Variants in SPTBN1 observed in about 807,000 individuals in gnomAD.
SPTBN1 encodes the protein spectrin beta, non-erythrocytic 1.
A neutral mutation model predicts 266.4 loss-of-function variants in SPTBN1; 32 were observed. The ratio of observed to expected loss-of-function variants is 0.12; its 90% CI spans 0.09 to 0.16. The LOEUF is 0.16. Ranked by LOEUF, SPTBN1 falls within the 10% of genes least tolerant of loss-of-function variation. The pLI, the probability that SPTBN1 is intolerant of heterozygous loss-of-function variation, is 1.00. For synonymous variants in SPTBN1, 1,336 were observed against 1,162.2 expected, an observed-to-expected ratio of 1.15 and a Z score of -3.04; for missense variants, 2,296 against 3,067.1, an observed-to-expected ratio of 0.75 and a Z score of 5.94.
intron 11 of SPTBN1, 121 bp from the exon 12 acceptor site, chr2:54,625,811 G>C: frequency 9.1e-7 from 1 of 1,099,184 alleles, no homozygotes; most frequent in Non-Finnish European, 1.3e-6. Flanking sequence ...GGCTAGTCTC[G>C]AACTCCTGAC....
At chr2:54,612,374 A>G in intron 4 of SPTBN1, 40 bp downstream of exon 4, 1 of 1,572,486 alleles carries the variant, frequency 6.4e-7, no homozygotes, top group Non-Finnish European at 8.6e-7. Context: ...ACTTAGGCCG[A>G]CCTCTCAGGT....
chr2:54,592,633 C>G (rs965006030), intron 2 of SPTBN1, among the ~76,000 whole-genome samples: 1 of 152,236 alleles, frequency 6.6e-6, no homozygotes, highest in Non-Finnish European at 1.5e-5. Flanking sequence ...GGTATTCCAC[C>G]TGCCTTGGCC....
intron 2 of SPTBN1, among the ~76,000 whole-genome samples, chr2:54,596,540 TG>T (rs1676105623): frequency 6.6e-6 from 1 of 152,116 alleles, no homozygotes; most frequent in African/African-American, 2.4e-5. Context: ...TTTTCCAACG[TG>T]GGGGTGTGAA....
rs1247888043 is a variant in SPTBN1 at position 54,646,410 on chromosome 2, G to A, written c.4801G>A (p.Ala1601Thr). The A allele has an allele frequency of 1.9e-6, 3 of 1,600,382 alleles. No individual in the cohort carries two copies. Among genetic ancestry groups the A allele is most frequent in the South Asian group, 2.2e-5 (2 of 89,590 alleles). The change falls in exon 23 of 36, where the codon GCT (alanine) becomes ACT (threonine). Residue 1601 changes from alanine (A) to threonine (T), a missense_variant. Physicochemically the swap from Ala to Thr is moderately conservative, Grantham distance 58. This residue lies in a region of SPTBN1 where 644 missense variants were observed against 745.3 expected (regional missense o/e 0.86). Transcript: ENST00000356805. The surrounding 1 kb of genome is among the most constrained non-coding windows in gnomAD (Gnocchi z 4.4). The part of the protein sequence containing the change: ...AHRAQQYYFD[A>T]AEAEAWMSEQ... ...CAGGGCCCAGCAGTACTACTTTGAC[G>A]CTGCTGAGGCCGAAGCCTGGATGAG...
intron 2 of SPTBN1, among the ~76,000 whole-genome samples, chr2:54,537,354 T>C (rs905054391): frequency 3.9e-5 from 6 of 152,198 alleles, no homozygotes; most frequent in African/African-American, 1.4e-4. Flanking sequence ...GGGTTTTGAT[T>C]GACCCGGAAG....
rs932982013 is a variant in SPTBN1, at chr2:54,661,867, T to C, written c.6420+1868T>C. ...CAAGAAAAGAGTGCTATGATGTTCTTAGCATTTGCTATCATGCCTATTTTT... is the reference window on the plus strand; with the variant it reads ...CAAGAAAAGAGTGCTATGATGTTCTCAGCATTTGCTATCATGCCTATTTTT... On this transcript the variant is annotated intron_variant, in intron 32 of 35. Transcript: ENST00000356805. 7 of 985,448 alleles carry C rather than the reference T, an allele frequency of 7.1e-6. No individual in the cohort carries two copies. In the Admixed American group the frequency reaches 3.7e-4, roughly 52 times the overall value. The allele number at this position is 985,448 out of a possible 1,614,324, so 61.0% of individuals were successfully genotyped here.
rs530405465 is a variant in SPTBN1, at chr2:54,632,676, C to T, written c.3675C>T (p.Ile1225=). ...MTTMDANEEK[I]NAVVETGRRL... ...CCATGGACGCCAATGAGGAGAAGATCAATGCTGTGGTGGAGACTGGCCGGA... is the reference window on the plus strand; with the variant it reads ...CCATGGACGCCAATGAGGAGAAGATTAATGCTGTGGTGGAGACTGGCCGGA... The change falls in exon 17 of 36, where the codon ATC becomes ATT. Residue 1225 remains isoleucine, a synonymous_variant. Transcript: ENST00000356805. The T allele has an allele frequency of 6.2e-7, 1 of 1,614,188 alleles. No individual in the cohort carries two copies. The highest frequency in any genetic ancestry group is 1.3e-5 in the African/African-American group (1 of 75,038).
chr2:54,659,970 G>A lies in SPTBN1; in HGVS notation c.6391G>A (p.Gly2131Ser), dbSNP rs767915045. The A allele has an allele frequency of 4.3e-6, 7 of 1,613,902 alleles. No homozygotes were observed. The highest frequency in any genetic ancestry group is 2.2e-5 in the South Asian group (2 of 91,074). ...AAAAGGAGAACAAGTTTCCCAAAACGGTTTGCCAGCTGAACAGGGATCTCC... is the reference window on the plus strand; with the variant it reads ...AAAAGGAGAACAAGTTTCCCAAAACAGTTTGCCAGCTGAACAGGGATCTCC... ...TSKGEQVSQNGLPAEQGSPRM... is the reference protein window; with the variant it reads ...TSKGEQVSQNSLPAEQGSPRM... Residue 2131 changes from glycine (G) to serine (S), a missense_variant, in exon 32 of 36, where the codon GGT becomes AGT. By Grantham distance (56) the Gly-to-Ser change is moderately conservative. Coordinates refer to ENST00000356805, the MANE Select transcript of SPTBN1 (RefSeq NM_003128.3).
At chr2:54,466,802 C>A (rs1693659339) in intron 1 of SPTBN1, among the ~76,000 whole-genome samples, 1 of 152,140 alleles carries the variant, frequency 6.6e-6, no homozygotes. Flanking sequence ...ACAAACTAAT[C>A]AAATAATTTA....
intron 1 of SPTBN1, among the ~76,000 whole-genome samples, chr2:54,481,391 AGTGTGTGTGTGTGTGTGTGTGT>A (rs72077761): frequency 5.1e-5 from 6 of 117,406 alleles, no homozygotes; most frequent in Admixed American, 1.7e-4. Context: ...CAGAAACCTG[AGTGTGTGTGTGTGTGTGTGTGT>A]GTGTGTGTGT....
Position 54,632,685 on chromosome 2 carries a change from G to A in SPTBN1, c.3684G>A (p.Val1228=). 6.2e-7 allele frequency: 1 copy of A among 1,614,218 alleles called. No homozygotes were observed. The highest frequency in any genetic ancestry group is 1.3e-5 in the African/African-American group (1 of 75,052). Residue 1228 remains valine (V), a synonymous_variant, in exon 17 of 36, where the codon GTG becomes GTA. Transcript: ENST00000356805. ...CCAATGAGGAGAAGATCAATGCTGT[G>A]GTGGAGACTGGCCGGAGGCTGGTGA... The part of the protein sequence containing the change: ...MDANEEKINA[V]VETGRRLVSD...
intron 1 of SPTBN1, among the ~76,000 whole-genome samples, chr2:54,477,710 G>A (rs570390024): frequency 7.2e-5 from 11 of 152,200 alleles, no homozygotes; most frequent in Admixed American, 6.5e-4. Flanking sequence ...TCAGGAGTTC[G>A]AGACCAGCCT....
intron 26 of SPTBN1, 30 bp downstream of exon 26, chr2:54,650,019 G>A (rs1028769678): frequency 1.3e-5 from 21 of 1,576,558 alleles, no homozygotes; most frequent in Non-Finnish European, 1.8e-5. Context: ...AGGGGTGCTG[G>A]GGAGGCTTTT....
intron 1 of SPTBN1, chr2:54,457,191 G>A (rs952886241): frequency 3.4e-5 from 2 of 59,488 alleles, no homozygotes; most frequent in Non-Finnish European, 6.2e-5. Flanking sequence ...CACTCTCCCA[G>A]GGCTGGGCGT....
intron 2 of SPTBN1, chr2:54,529,478 A>G (rs762659444): frequency 1.4e-6 from 1 of 715,892 alleles, no homozygotes; most frequent in South Asian, 1.3e-5. Flanking sequence ...CATGTCACCC[A>G]CCTTCCAGCG....
At chr2:54,641,947 A>G (rs2104021217) in intron 18 of SPTBN1, among the ~76,000 whole-genome samples, 1 of 152,334 alleles carries the variant, frequency 6.6e-6, no homozygotes, top group African/African-American at 2.4e-5. Context: ...TTAAGGTGCC[A>G]ATTTGTTGTG....
In SPTBN1 at chr2:54,645,299, G is replaced by A. The variant is rs376764789; in HGVS notation, c.4340G>A (p.Ser1447Asn). 3.1e-6 allele frequency: 5 copies of A among 1,614,250 alleles called. No homozygotes were observed. The highest frequency in any genetic ancestry group is 4.2e-6 in the Non-Finnish European group (5 of 1,180,042). Residue 1447 changes from serine (S) to asparagine (N), a missense_variant, in exon 21 of 36, where the codon AGT becomes AAT. By Grantham distance (46) the Ser-to-Asn change is conservative. Around this residue, in one of 12 missense-constraint regions of SPTBN1, gnomAD observed 386 missense variants for 486.1 expected, o/e 0.79. Transcript: ENST00000356805. This position sits in a 1 kb window ranked among gnomAD's most constrained non-coding sequence, Gnocchi z 4.3. ...CTCCAAAGCCAAGCCCAGGCCCTGA[G>A]TCAGGAAGGGAAGAGCACCGACGAG... ...EELQSQAQALSQEGKSTDEVD... is the reference protein window; with the variant it reads ...EELQSQAQALNQEGKSTDEVD...
intron 18 of SPTBN1, among the ~76,000 whole-genome samples, chr2:54,640,651 A>T (rs1425326887): frequency 1.3e-5 from 2 of 152,210 alleles, no homozygotes; most frequent in African/African-American, 2.4e-5. Flanking sequence ...TCCCGGGTTC[A>T]AGCAAGTCTC....
chr2:54,536,841 G>T (rs1671634674), intron 2 of SPTBN1, among the ~76,000 whole-genome samples: 1 of 152,048 alleles, frequency 6.6e-6, no homozygotes. Context: ...AGACCAGCCT[G>T]GCCAACATAG....
Sources: gnomAD v4.1 joint callset for allele counts (sites outside exome capture counted in the v4.1 genomes callset) on GRCh38, gnomAD v4.1.1 for gene constraint, gnomAD v4.1.1 regional missense constraint, Gnocchi (gnomAD v3.1) non-coding constraint, MANE v1.5 for transcripts, NCBI Gene and HGNC (gene_info 2026-07-23, HGNC 2026-07-21) for gene names.